The following AGFG1 variants were observed in gnomAD, a reference collection of about 807,000 sequenced individuals.
AGFG1 encodes ArfGAP with FG repeats 1.
In AGFG1, 10 loss-of-function variants were observed where a neutral mutation model predicts 60.6. That is an observed-to-expected ratio of 0.16 (90% CI 0.10 to 0.28). The LOEUF (loss-of-function observed/expected upper bound fraction) is 0.28. AGFG1 is among the 10% of genes least tolerant of loss of function. The probability of loss-of-function intolerance (pLI) is 1.00; values close to 1 mark genes in which losing one functional copy is unlikely to be tolerated. For synonymous variants in AGFG1, 247 were observed against 242.9 expected (o/e 1.02, Z -0.16); for missense variants, 537 against 676.5 (o/e 0.79, Z 2.29).
chr2:227,494,982 C>G (rs1487331899), intron 2 of AGFG1, among the ~76,000 whole-genome samples: 1 of 152,166 alleles, frequency 6.6e-6, no homozygotes, highest in African/African-American at 2.4e-5. Context: ...AGAGACCATA[C>G]TTACAGAGTA....
chr2:227,497,730 G>GTTTTTT lies in AGFG1; in HGVS notation c.261+6094_261+6095insTTTTTT, dbSNP rs148621752. On this transcript the variant is annotated intron_variant, in intron 2 of 12. Coordinates refer to ENST00000310078, the MANE Select transcript of AGFG1 (RefSeq NM_004504.5). The stretch of plus-strand genomic sequence containing the variant: ...ATATAGCCAAATGAGTTTCTTTCTT[G>GTTTTTT]TTTTGTTTTTTTTTTTTTTTTTTTT... Among the ~76,000 whole-genome samples, 360 of 38,916 alleles carry GTTTTTT rather than the reference G, an allele frequency of 9.3e-3. 47 individuals are homozygous for GTTTTTT. The highest frequency in any genetic ancestry group is 0.014 in the East Asian group (16 of 1,118). 25.5% of individuals were successfully genotyped at this position (38,916 alleles called of 152,430 possible).
intron 1 of AGFG1, among the ~76,000 whole-genome samples, chr2:227,484,830 A>T (rs773276148): frequency 4.3e-4 from 64 of 150,138 alleles, no homozygotes; most frequent in Non-Finnish European, 8.9e-4. Context: ...CAGCCTCCCC[A>T]GTAGCTGGGA....
chr2:227,536,775 G>A lies in AGFG1; in HGVS notation c.1285+71G>A, dbSNP rs1221311939. On this transcript the variant is annotated intron_variant, in intron 9 of 12. Transcript: ENST00000310078. ...TATATATTGTGTAGCATTTTCTTAG[G>A]AGTCAAAGCAATGATTTGTTATCAG... 179 of 1,569,686 alleles carry A rather than the reference G, an allele frequency of 1.1e-4. No homozygotes were observed. The Middle Eastern group carries it at 1.5e-3, about 13-fold the overall frequency.
chr2:227,537,004 GAGAC>G lies in AGFG1; in HGVS notation c.1378+14_1378+17del. ...CCAGAGGAGCAACAGGTAAGAAAAA[GAGAC>G]AGTGGAACAGTAAGTTTTGGGGAAG... On this transcript the variant is annotated intron_variant, in intron 10 of 12. Transcript: ENST00000310078. The G allele has an allele frequency of 6.2e-7, 1 of 1,608,018 alleles. No individual in the cohort carries two copies. The highest frequency in any genetic ancestry group is 8.5e-7 in the Non-Finnish European group (1 of 1,175,850).
intron 1 of AGFG1, among the ~76,000 whole-genome samples, chr2:227,482,915 A>G (rs1287823576): frequency 1.3e-5 from 2 of 152,006 alleles, no homozygotes; most frequent in African/African-American, 4.8e-5. Context: ...GGCTACTTTG[A>G]ACTTCTTGAA....
chr2:227,531,718 C>G (rs1692166031), intron 6 of AGFG1, among the ~76,000 whole-genome samples: 1 of 151,924 alleles, frequency 6.6e-6, no homozygotes, highest in Non-Finnish European at 1.5e-5. Context: ...CAGGTGTGAG[C>G]CACTGTGCCC....
At chr2:227,483,337 C>T (rs12470938) in intron 1 of AGFG1, among the ~76,000 whole-genome samples, 21,109 of 152,068 alleles carry the variant, frequency 0.14, 1,789 homozygotes, top group East Asian at 0.2. Flanking sequence ...GATACTAACA[C>T]GAAATCAGGA....
At chr2:227,551,530 A>G (rs1692820620) in intron 10 of AGFG1, among the ~76,000 whole-genome samples, 1 of 152,128 alleles carries the variant, frequency 6.6e-6, no homozygotes, top group Admixed American at 6.5e-5. Flanking sequence ...TTGCAGGAAC[A>G]CATATTATGT....
intron 2 of AGFG1, among the ~76,000 whole-genome samples, chr2:227,493,465 T>C (rs1303419698): frequency 6.6e-6 from 1 of 152,212 alleles, no homozygotes; most frequent in African/African-American, 2.4e-5. Context: ...TTCATCCTTA[T>C]TGTCATGTAT....
At chr2:227,517,695 G>A (rs1287365368) in intron 2 of AGFG1, among the ~76,000 whole-genome samples, 5 of 152,192 alleles carry the variant, frequency 3.3e-5, no homozygotes, top group African/African-American at 1.2e-4. Flanking sequence ...TGAGAAGTAC[G>A]CTTTTCCTTC....
At chr2:227,507,439 A>G (rs1229983238) in intron 2 of AGFG1, among the ~76,000 whole-genome samples, 1 of 152,026 alleles carries the variant, frequency 6.6e-6, no homozygotes. Flanking sequence ...TGTCTCTACT[A>G]AAAATACTAA....
intron 2 of AGFG1, among the ~76,000 whole-genome samples, chr2:227,504,557 T>TA (rs1691256549): frequency 6.6e-6 from 1 of 152,244 alleles, no homozygotes; most frequent in Non-Finnish European, 1.5e-5. Flanking sequence ...CAAACTCATA[T>TA]TGTCAACTAT....
chr2:227,552,023 T>G lies in AGFG1; in HGVS notation c.1443T>G (p.Ser481Arg), dbSNP rs1692836515. The change falls in exon 11 of 13, where the codon AGT becomes AGG. Residue 481 changes from serine to arginine, a missense_variant. Physicochemically the swap from Ser to Arg is moderately radical, Grantham distance 110. Coordinates refer to ENST00000310078, the MANE Select transcript of AGFG1 (RefSeq NM_004504.5). The stretch of plus-strand genomic sequence containing the variant: ...GATTCGGCACTCCTGCTCCCTACAG[T>G]CTTCCCACCAGCTTTAGTGGCAGCT... ...PTGFGTPAPY[S>R]LPTSFSGSFQ... 6.2e-7 allele frequency: 1 copy of G among 1,614,026 alleles called. No homozygotes were observed. The highest frequency in any genetic ancestry group is 1.3e-5 in the African/African-American group (1 of 74,904).
chr2:227,520,739 T>C (rs1027923062), intron 3 of AGFG1, among the ~76,000 whole-genome samples: 2 of 152,234 alleles, frequency 1.3e-5, no homozygotes, highest in Non-Finnish European at 2.9e-5. Flanking sequence ...ATGAGCACAA[T>C]TTAAGTTACT....
chr2:227,508,532 C>T (rs1473457728), intron 2 of AGFG1: 1 of 450,998 alleles, frequency 2.2e-6, no homozygotes, highest in Non-Finnish European at 4.5e-6. Context: ...GTGTGTACAT[C>T]TATATGTGAG....
intron 2 of AGFG1, among the ~76,000 whole-genome samples, chr2:227,501,044 T>G (rs977592803): frequency 6.6e-6 from 1 of 152,168 alleles, no homozygotes; most frequent in Non-Finnish European, 1.5e-5. Flanking sequence ...TCCACCTACC[T>G]CAGCCTCTCA....
chr2:227,486,229 C>G (rs1159357074), intron 1 of AGFG1, among the ~76,000 whole-genome samples: 2 of 152,080 alleles, frequency 1.3e-5, no homozygotes, highest in Non-Finnish European at 2.9e-5. Flanking sequence ...CTGGTTTCAG[C>G]TTAATTTTTA....
At chr2:227,529,908 G>A (rs1692110208) in intron 5 of AGFG1, among the ~76,000 whole-genome samples, 1 of 151,464 alleles carries the variant, frequency 6.6e-6, no homozygotes, top group African/African-American at 2.4e-5. Flanking sequence ...AGAGAAGCTA[G>A]AAGTCTTTTT....
In AGFG1 at chr2:227,489,223, G is replaced by GTTT. The variant is rs55762248; in HGVS notation, c.168-2301_168-2299dup. Among the ~76,000 whole-genome samples, 422 of 74,814 alleles carry GTTT rather than the reference G, an allele frequency of 5.6e-3. 9 individuals are homozygous for GTTT. Among genetic ancestry groups the GTTT allele is most frequent in the African/African-American group, 0.015 (259 of 17,406 alleles). 49.1% of individuals were successfully genotyped at this position (74,814 alleles called of 152,430 possible). A position where few individuals can be genotyped will look rare whatever the true frequency, so the allele number is the denominator to read the frequency against. ...TGTTTCTTCAGAGTTAGTTTTGAGAGTTTTTTTTTTTTTTTTTTTTTTTTT... is the reference window on the plus strand; with the variant it reads ...TGTTTCTTCAGAGTTAGTTTTGAGAGTTTTTTTTTTTTTTTTTTTTTTTTTTTT... On this transcript the variant is annotated intron_variant, in intron 1 of 12. Transcript: ENST00000310078.
Sources: allele counts gnomAD v4.1 joint callset (sites outside exome capture counted in the v4.1 genomes callset), GRCh38; gene constraint gnomAD v4.1.1; transcripts MANE v1.5; gene names NCBI Gene and HGNC (gene_info 2026-07-23, HGNC 2026-07-21).